INPP4B: variants seen among roughly 807,000 people sequenced by gnomAD.
INPP4B encodes inositol polyphosphate-4-phosphatase type II B.
INPP4B carries 55 observed loss-of-function variants against 122.5 expected under a neutral mutation model. The observed-to-expected ratio is 0.45, with a 90% CI of 0.36 to 0.56. INPP4B has a LOEUF of 0.56. Ranked by LOEUF, INPP4B falls within the 20% of genes least tolerant of loss-of-function variation. The pLI is 0.00. For synonymous variants in INPP4B, 403 were observed against 388.7 expected, an observed-to-expected ratio of 1.04 and a Z score of -0.43; for missense variants, 1,000 against 1,097.7, an observed-to-expected ratio of 0.91 and a Z score of 1.26.
chr4:142,698,526 A>C (rs1210709123), intron 2 of INPP4B, among the ~76,000 whole-genome samples: 1 of 152,130 alleles, frequency 6.6e-6, no homozygotes, highest in East Asian at 1.9e-4. Context: ...GATCTCAATC[A>C]CAAGCATCTC....
intron 1 of INPP4B, among the ~76,000 whole-genome samples, chr4:142,773,470 C>T (rs1025123144): frequency 6.6e-6 from 1 of 152,144 alleles, no homozygotes; most frequent in African/African-American, 2.4e-5. Context: ...CACATATGCA[C>T]ACACACAAAT....
intron 25 of INPP4B, among the ~76,000 whole-genome samples, chr4:142,055,574 C>T (rs1391444335): frequency 2.6e-5 from 4 of 152,108 alleles, no homozygotes; most frequent in South Asian, 2.1e-4. Flanking sequence ...ACTCAAAGGA[C>T]TTTGATAGCT....
intron 2 of INPP4B, among the ~76,000 whole-genome samples, chr4:142,548,743 ATGTGTCTGTG>A (rs1560786242): frequency 6.9e-5 from 9 of 129,686 alleles, no homozygotes; most frequent in Non-Finnish European, 1.4e-4. Flanking sequence ...GTGCATACAG[ATGTGTCTGTG>A]TGTGTGTGTG....
At chr4:142,253,502 ATG>A (rs1277874373) in intron 11 of INPP4B, among the ~76,000 whole-genome samples, 5 of 152,156 alleles carry the variant, frequency 3.3e-5, no homozygotes, top group South Asian at 2.1e-4. Context: ...TGCGCGCACC[ATG>A]TGCGAGCCGA....
chr4:142,397,654 C>T (rs902718887), intron 7 of INPP4B, among the ~76,000 whole-genome samples: 1 of 151,752 alleles, frequency 6.6e-6, no homozygotes, highest in African/African-American at 2.4e-5. Flanking sequence ...CTGGCCAACA[C>T]GGTGAAACCC....
chr4:142,028,475 T>A lies in INPP4B; in HGVS notation c.*307A>T. On this transcript the variant is annotated 3_prime_UTR_variant, in exon 26 of 26. Coordinates refer to ENST00000262992, the MANE Select transcript of INPP4B (RefSeq NM_001101669.3). Reference sequence around the variant, plus strand: ...TCCTATTGAAATGATCCATGTTTCCTCAGAAACATTTAAATACTCATGAAT... The same window carrying A: ...TCCTATTGAAATGATCCATGTTTCCACAGAAACATTTAAATACTCATGAAT... 1 of 331,626 alleles carries A rather than the reference T, an allele frequency of 3.0e-6. No individual in the cohort carries two copies. Among genetic ancestry groups the A allele is most frequent in the Non-Finnish European group, 5.6e-6 (1 of 179,940 alleles). The allele number at this position is 331,626 out of a possible 1,614,324, so 20.5% of individuals were successfully genotyped here. A position where few individuals can be genotyped will look rare whatever the true frequency, so the allele number is the denominator to read the frequency against.
chr4:142,137,114 ATG>A (rs2152811909), intron 18 of INPP4B, among the ~76,000 whole-genome samples: 1 of 152,344 alleles, frequency 6.6e-6, no homozygotes, highest in African/African-American at 2.4e-5. Flanking sequence ...TGGAGGCATC[ATG>A]CTACCTGACT....
intron 2 of INPP4B, among the ~76,000 whole-genome samples, chr4:142,637,953 T>A (rs1749537017): frequency 1.3e-5 from 2 of 152,336 alleles, no homozygotes; most frequent in Non-Finnish European, 2.9e-5. Flanking sequence ...GACATGATGT[T>A]GACCATCTTT....
chr4:142,639,885 C>T (rs918827786), intron 2 of INPP4B, among the ~76,000 whole-genome samples: 1 of 152,110 alleles, frequency 6.6e-6, no homozygotes, highest in Non-Finnish European at 1.5e-5. Flanking sequence ...AAATTCTGTT[C>T]ACTACCCATG....
In INPP4B at chr4:142,467,608, T is replaced by G. The variant is rs139352155; in HGVS notation, c.-190-4882A>C. On this transcript the variant is annotated intron_variant, in intron 2 of 25. Transcript: ENST00000262992. ...GAAGGAACTAATTTCTAGATGAGAC[T>G]TTAGACTTGGGACTTCTGAATTAAT... Among the ~76,000 whole-genome samples the G allele has an allele frequency of 2.6e-5, 4 of 152,254 alleles. No homozygotes were observed. In the East Asian group the frequency reaches 7.7e-4, roughly 29 times the overall value.
chr4:142,694,580 A>C (rs747584185), intron 2 of INPP4B, among the ~76,000 whole-genome samples: 2 of 152,158 alleles, frequency 1.3e-5, no homozygotes, highest in Non-Finnish European at 2.9e-5. Context: ...GTTATAAACC[A>C]CTTCTGTAAT....
At chr4:142,316,061 T>G (rs1724995194) in intron 7 of INPP4B, among the ~76,000 whole-genome samples, 1 of 152,178 alleles carries the variant, frequency 6.6e-6, no homozygotes, top group South Asian at 2.1e-4. Flanking sequence ...AGCAGCAAGC[T>G]ATAATAAAAT....
intron 2 of INPP4B, among the ~76,000 whole-genome samples, chr4:142,660,625 C>A (rs2150582659): frequency 6.6e-6 from 1 of 152,170 alleles, no homozygotes; most frequent in Non-Finnish European, 1.5e-5. Flanking sequence ...AACATGCCAC[C>A]AAAAGGGTAA....
intron 8 of INPP4B, chr4:142,305,900 G>A: frequency 9.6e-7 from 1 of 1,042,232 alleles, no homozygotes; most frequent in South Asian, 3.1e-5. Flanking sequence ...CCTCTTATTA[G>A]AATTCCTCAA....
At chr4:142,518,745 T>A (rs1321407874) in intron 2 of INPP4B, 1 of 152,178 alleles carries the variant, frequency 6.6e-6, no homozygotes, top group Non-Finnish European at 1.5e-5. Flanking sequence ...AGTAGCTCAG[T>A]GGAATGGCCC....
intron 2 of INPP4B, among the ~76,000 whole-genome samples, chr4:142,594,954 CAAAAAAAAAAAAA>C (rs70949177): frequency 5.2e-5 from 3 of 58,064 alleles, no homozygotes; most frequent in South Asian, 6.2e-4. Flanking sequence ...GACTCTGTCT[CAAAAAAAAAAAAA>C]AAAAAAAAAA....
intron 1 of INPP4B, among the ~76,000 whole-genome samples, chr4:142,838,126 A>T (rs1226461084): frequency 6.6e-6 from 1 of 151,978 alleles, no homozygotes; most frequent in Non-Finnish European, 1.5e-5. Context: ...AATTCAATTG[A>T]ATTGAACTAT....
intron 10 of INPP4B, among the ~76,000 whole-genome samples, chr4:142,267,629 C>G (rs557400656): frequency 6.6e-6 from 1 of 152,094 alleles, no homozygotes; most frequent in Admixed American, 6.6e-5. Context: ...AGGAAGAAAA[C>G]ATTTAAAAAT....
chr4:142,112,673 G>A lies in INPP4B; in HGVS notation c.2145C>T (p.Tyr715=), dbSNP rs35748335. ...TGGCTGGAAGCTTGACCTCTACCACGTAATGTTCTCTAAAGAAGGCAGAGG... is the reference window on the plus strand; with the variant it reads ...TGGCTGGAAGCTTGACCTCTACCACATAATGTTCTCTAAAGAAGGCAGAGG... ...LPVITGRREH[Y]VVEVKLPARM... Residue 715 remains tyrosine (Y), a synonymous_variant, in exon 22 of 26, where the codon TAC becomes TAT. Coordinates refer to ENST00000262992, the MANE Select transcript of INPP4B (RefSeq NM_001101669.3). 623 of 1,609,588 alleles carry A rather than the reference G, an allele frequency of 3.9e-4. 2 individuals are homozygous for A. The African/African-American group carries it at 5.0e-3, about 13-fold the overall frequency.
Sources: allele counts gnomAD v4.1 joint callset (sites outside exome capture counted in the v4.1 genomes callset), GRCh38; gene constraint gnomAD v4.1.1; transcripts MANE v1.5; gene names NCBI Gene and HGNC (gene_info 2026-07-23, HGNC 2026-07-21).